PITPNA: variants seen among roughly 807,000 people sequenced by gnomAD.
PITPNA encodes the protein phosphatidylinositol transfer protein alpha.
A neutral mutation model predicts 50.3 loss-of-function variants in PITPNA; 13 were observed. The observed-to-expected ratio is 0.26, with a 90% CI of 0.17 to 0.41. The LOEUF (loss-of-function observed/expected upper bound fraction) is 0.41, where lower values mean the gene tolerates loss of function less well. PITPNA is among the 10% of genes least tolerant of loss of function. The pLI, the probability that PITPNA is intolerant of heterozygous loss-of-function variation, is 1.00. For missense variants in PITPNA, 207 were observed against 333.4 expected (o/e 0.62, Z 2.95); for synonymous variants, 120 against 119.6 (o/e 1.00, Z -0.02).
At chr17:1,551,018 G>A (rs1040682323) in intron 3 of PITPNA, among the ~76,000 whole-genome samples, 3 of 149,274 alleles carry the variant, frequency 2.0e-5, no homozygotes, top group Non-Finnish European at 3.0e-5. Flanking sequence ...GCGGGGCGGA[G>A]TCAGCGGGAC....
At chr17:1,542,200 C>T (rs1041518286) in intron 5 of PITPNA, among the ~76,000 whole-genome samples, 2 of 143,114 alleles carry the variant, frequency 1.4e-5, no homozygotes, top group South Asian at 2.2e-4. Context: ...GACTCCGTTT[C>T]GAAAAAAAAA....
At chr17:1,561,333 A>T (rs1269217685) in intron 1 of PITPNA, 3 of 152,160 alleles carry the variant, frequency 2.0e-5, no homozygotes, top group African/African-American at 7.3e-5. Flanking sequence ...AGAAGTCACC[A>T]GTTTCCCACG....
intron 1 of PITPNA, among the ~76,000 whole-genome samples, chr17:1,560,833 G>T (rs57772891): frequency 0.064 from 9,772 of 152,196 alleles, 1,011 homozygotes; most frequent in African/African-American, 0.22. Context: ...AGAAACAGAG[G>T]GGATGAGGCC....
Position 1,562,437 on chromosome 17 carries a change from G to C in PITPNA, c.20+104C>G, listed in dbSNP as rs2075773364. On this transcript the variant is annotated intron_variant, in intron 1 of 11. Transcript: ENST00000313486. The surrounding 1 kb of genome is among the most constrained non-coding windows in gnomAD (Gnocchi z 6.4). Reference sequence around the variant, plus strand: ...GCCTCAGGCACCCTCCGTCCCTGCTGCCCCTCCGTCCATCCGGGCCCTGCG... The same window carrying C: ...GCCTCAGGCACCCTCCGTCCCTGCTCCCCCTCCGTCCATCCGGGCCCTGCG... 1.0e-6 allele frequency: 1 copy of C among 954,432 alleles called. No individual in the cohort carries two copies. Among genetic ancestry groups the C allele is most frequent in the Non-Finnish European group, 1.5e-6 (1 of 687,876 alleles). The allele number at this position is 954,432 out of a possible 1,614,324, so 59.1% of individuals were successfully genotyped here. A position where few individuals can be genotyped will look rare whatever the true frequency, so the allele number is the denominator to read the frequency against.
chr17:1,557,837 T>C lies in PITPNA; in HGVS notation c.51+692A>G, dbSNP rs189792618. ...CGTGGCTAGGGAGAGCCTCAAGAGA[T>C]TTCCTGCCCTGCTGGTTTGTTGCAC... On this transcript the variant is annotated intron_variant, in intron 2 of 11. Transcript: ENST00000313486. Among the ~76,000 whole-genome samples, 333 of 152,320 alleles carry C rather than the reference T, an allele frequency of 2.2e-3. 3 individuals carry two copies. The highest frequency in any genetic ancestry group is 7.6e-3 in the African/African-American group (315 of 41,578).
chr17:1,546,121 G>A (rs187284239), intron 4 of PITPNA, among the ~76,000 whole-genome samples: 1 of 151,832 alleles, frequency 6.6e-6, no homozygotes, highest in Non-Finnish European at 1.5e-5. Context: ...TAGAAACGGG[G>A]TTTCACCAAG....
chr17:1,538,311 G>A (rs1476546108), intron 7 of PITPNA: 1 of 152,308 alleles, frequency 6.6e-6, no homozygotes, highest in African/African-American at 2.4e-5. Flanking sequence ...GCAAAACAGT[G>A]AGCAAGCCAG....
Position 1,520,065 on chromosome 17 carries a change from A to C in PITPNA, c.*496T>G, listed in dbSNP as rs1598400777. On this transcript the variant is annotated 3_prime_UTR_variant, in exon 12 of 12. Transcript: ENST00000313486. ...TTTGTGGAAGCGGTGCGGGGCAGGG[A>C]AACATTGTATCTTTAGCTCATCCCC... is the stretch of plus-strand genomic sequence containing the variant. The C allele has an allele frequency of 6.6e-6, 1 of 152,192 alleles. No individual in the cohort carries two copies. The highest frequency in any genetic ancestry group is 6.5e-5 in the Admixed American group (1 of 15,276). 9.4% of individuals were successfully genotyped at this position (152,192 alleles called of 1,614,324 possible). A position where few individuals can be genotyped will look rare whatever the true frequency, so the allele number is the denominator to read the frequency against.
At chr17:1,549,228 A>G (rs1009522059) in intron 3 of PITPNA, among the ~76,000 whole-genome samples, 10 of 145,802 alleles carry the variant, frequency 6.9e-5, no homozygotes, top group Non-Finnish European at 1.2e-4. Flanking sequence ...TTCTTATCTC[A>G]GGTTACAGAA....
rs1455288660 is a variant in PITPNA at position 1,548,767 on chromosome 17, G to A, written c.198-380C>T. ...AAGCATGAACCAGTCTCGGTTTAGGGCCAGGGTAACTAGCCGACTAACTTG... is the reference window on the plus strand; with the variant it reads ...AAGCATGAACCAGTCTCGGTTTAGGACCAGGGTAACTAGCCGACTAACTTG... On this transcript the variant is annotated intron_variant, in intron 3 of 11. Transcript: ENST00000313486. Among the ~76,000 whole-genome samples the A allele has an allele frequency of 2.6e-5, 4 of 152,192 alleles. No individual in the cohort carries two copies. In the East Asian group the frequency reaches 7.7e-4, roughly 29 times the overall value.
chr17:1,552,014 A>G (rs1366546080), intron 3 of PITPNA, among the ~76,000 whole-genome samples: 2 of 151,996 alleles, frequency 1.3e-5, no homozygotes, highest in African/African-American at 4.8e-5. Flanking sequence ...CCCACTGCAC[A>G]GCACTGCTCT....
chr17:1,558,001 C>T (rs2075745634), intron 2 of PITPNA, among the ~76,000 whole-genome samples: 4 of 152,136 alleles, frequency 2.6e-5, no homozygotes, highest in South Asian at 2.1e-4. Flanking sequence ...GAGGCTGAGG[C>T]GGGCGGATCA....
chr17:1,532,769 GATCCTTAGCGAAAGA>G (rs2075592277), intron 10 of PITPNA, among the ~76,000 whole-genome samples: 1 of 152,180 alleles, frequency 6.6e-6, no homozygotes, highest in Non-Finnish European at 1.5e-5. Context: ...CCTTCCTAAA[GATCCTTAGCGAAAGA>G]ATCAGGGACT....
rs2075774712 is a variant in PITPNA at position 1,562,698 on chromosome 17, G to C, written c.-138C>G. 1 of 435,142 alleles carries C rather than the reference G, an allele frequency of 2.3e-6. No homozygotes were observed. The highest frequency in any genetic ancestry group is 2.1e-5 in the African/African-American group (1 of 46,748). 27.0% of individuals were successfully genotyped at this position (435,142 alleles called of 1,614,324 possible). On this transcript the variant is annotated 5_prime_UTR_variant, in exon 1 of 12. Transcript: ENST00000313486. This position sits in a 1 kb window ranked among gnomAD's most constrained non-coding sequence, Gnocchi z 6.4. ...GCTCTGCTCCGTCCCCGCCGCCCTC[G>C]CCGCGGTCGCCGCGCCGGCTCCTGC...
intron 2 of PITPNA, among the ~76,000 whole-genome samples, chr17:1,556,825 G>T (rs146287409): frequency 2.0e-5 from 3 of 152,276 alleles, no homozygotes; most frequent in African/African-American, 7.2e-5. Context: ...AGCACAGGCT[G>T]GGTGAAGTGG....
intron 7 of PITPNA, among the ~76,000 whole-genome samples, chr17:1,536,503 A>G (rs928080849): frequency 6.6e-6 from 1 of 151,092 alleles, no homozygotes; most frequent in Non-Finnish European, 1.5e-5. Flanking sequence ...GTTAGCCAGG[A>G]TGGTCTCGAT....
intron 4 of PITPNA, among the ~76,000 whole-genome samples, chr17:1,546,774 AG>A (rs1387964074): frequency 6.6e-6 from 1 of 152,226 alleles, no homozygotes; most frequent in African/African-American, 2.4e-5. Flanking sequence ...TGGAAGGCTA[AG>A]AATCTGAATC....
At chr17:1,532,904 C>T (rs909136250) in intron 10 of PITPNA, among the ~76,000 whole-genome samples, 5 of 152,228 alleles carry the variant, frequency 3.3e-5, no homozygotes, top group African/African-American at 1.2e-4. Context: ...AGTGAGTCAG[C>T]CCAGGAAAAG....
chr17:1,530,911 C>T (rs556289853), intron 10 of PITPNA, among the ~76,000 whole-genome samples: 1 of 152,236 alleles, frequency 6.6e-6, no homozygotes, highest in South Asian at 2.1e-4. Context: ...GAACTGGAAG[C>T]ACCAGGTCCC....
Sources: gnomAD v4.1 joint callset for allele counts (sites outside exome capture counted in the v4.1 genomes callset) on GRCh38, gnomAD v4.1.1 for gene constraint, Gnocchi (gnomAD v3.1) non-coding constraint, MANE v1.5 for transcripts, NCBI Gene and HGNC (gene_info 2026-07-23, HGNC 2026-07-21) for gene names.